The following TAFA5 variants were observed in gnomAD, a reference collection of about 807,000 sequenced individuals.
TAFA5 encodes the protein TAFA chemokine like family member 5.
TAFA5 carries 6 observed loss-of-function variants against 15.3 expected under a neutral mutation model. The observed-to-expected ratio is 0.39, with a 90% CI of 0.21 to 0.77. The LOEUF is 0.77. Among genes scored for constraint, TAFA5 ranks in the 30% least tolerant of loss-of-function variants. The probability of loss-of-function intolerance (pLI) is 0.41; values close to 1 mark genes in which losing one functional copy is unlikely to be tolerated. For missense variants in TAFA5, 161 were observed against 193.1 expected (o/e 0.83, Z 0.98); for synonymous variants, 103 against 80.7 (o/e 1.28, Z -1.48).
chr22:48,562,349 A>G lies in TAFA5; in HGVS notation c.112+72645A>G, dbSNP rs954070338. On this transcript the variant is annotated intron_variant, in intron 1 of 3. Transcript: ENST00000402357. ...GAGACGGGGTTTCACCGCATTAGCC[A>G]GGATGGTCTCGATCTCCTGACCTCG... is the stretch of plus-strand genomic sequence containing the variant. Among the ~76,000 whole-genome samples, 6 of 152,300 alleles carry G rather than the reference A, an allele frequency of 3.9e-5. No homozygotes were observed. In the East Asian group the frequency reaches 1.2e-3, roughly 30 times the overall value.
chr22:48,640,499 G>T (rs1204219616), intron 1 of TAFA5, among the ~76,000 whole-genome samples: 1 of 152,144 alleles, frequency 6.6e-6, no homozygotes, highest in African/African-American at 2.4e-5. Context: ...GCTTCCCCTG[G>T]GACGTGGTCT....
intron 1 of TAFA5, among the ~76,000 whole-genome samples, chr22:48,512,782 G>A (rs965903178): frequency 1.3e-5 from 2 of 151,966 alleles, no homozygotes; most frequent in Non-Finnish European, 2.9e-5. Context: ...AATTACCCGG[G>A]GGTGGTGGCG....
At chr22:48,533,295 C>CA (rs2033291251) in intron 1 of TAFA5, among the ~76,000 whole-genome samples, 1 of 152,174 alleles carries the variant, frequency 6.6e-6, no homozygotes, top group Non-Finnish European at 1.5e-5. Flanking sequence ...GTGCAGCCGT[C>CA]AAACCTTTGG....
intron 2 of TAFA5, among the ~76,000 whole-genome samples, chr22:48,662,487 G>GTGATTC (rs1569069292): frequency 2.6e-5 from 4 of 151,622 alleles, no homozygotes; most frequent in Non-Finnish European, 4.4e-5. Context: ...GTGTGATGGG[G>GTGATTC]GTGATTCAAG....
At chr22:48,657,900 T>C (rs1927303458) in intron 2 of TAFA5, among the ~76,000 whole-genome samples, 1 of 151,832 alleles carries the variant, frequency 6.6e-6, no homozygotes, top group South Asian at 2.1e-4. Flanking sequence ...ACCTGAGTGA[T>C]GCCTTCCAGG....
chr22:48,608,043 T>C (rs1022994159), intron 1 of TAFA5, among the ~76,000 whole-genome samples: 1 of 117,824 alleles, frequency 8.5e-6, no homozygotes, highest in Non-Finnish European at 1.9e-5. Context: ...AGCTCAGGGC[T>C]TGGGGCTGGA....
At chr22:48,582,418 T>C (rs1924088567) in intron 1 of TAFA5, among the ~76,000 whole-genome samples, 1 of 129,524 alleles carries the variant, frequency 7.7e-6, no homozygotes, top group Non-Finnish European at 1.6e-5. Flanking sequence ...ACACACAAAA[T>C]ACACCACATA....
chr22:48,748,269 G>A (rs1378848977), intron 3 of TAFA5, among the ~76,000 whole-genome samples: 1 of 152,240 alleles, frequency 6.6e-6, no homozygotes, highest in East Asian at 1.9e-4. Flanking sequence ...GCCCTCTGGG[G>A]ACTGGGTTCT....
intron 1 of TAFA5, among the ~76,000 whole-genome samples, chr22:48,581,786 T>C (rs73890913): frequency 0.011 from 1,690 of 152,306 alleles, 44 homozygotes; most frequent in African/African-American, 0.039. Context: ...TACAGGATCA[T>C]GCATTATAAA....
intron 1 of TAFA5, among the ~76,000 whole-genome samples, chr22:48,553,685 T>C (rs892492505): frequency 6.6e-6 from 1 of 152,192 alleles, no homozygotes; most frequent in African/African-American, 2.4e-5. Context: ...ATGCCTGCCG[T>C]GGTGCAGGCC....
chr22:48,634,943 A>C (rs1926392683), intron 1 of TAFA5, among the ~76,000 whole-genome samples: 1 of 152,132 alleles, frequency 6.6e-6, no homozygotes, highest in Non-Finnish European at 1.5e-5. Flanking sequence ...TTGTGTCCAC[A>C]CCAAAGAGGA....
intron 1 of TAFA5, among the ~76,000 whole-genome samples, chr22:48,542,357 A>G (rs1476661647): frequency 3.2e-4 from 17 of 52,666 alleles, no homozygotes; most frequent in Admixed American, 7.6e-4. Flanking sequence ...GTGTGTGCAT[A>G]TGTGTGTGTG....
chr22:48,637,767 A>G (rs1255887703), intron 1 of TAFA5, among the ~76,000 whole-genome samples: 1 of 152,050 alleles, frequency 6.6e-6, no homozygotes, highest in Non-Finnish European at 1.5e-5. Context: ...AGCCCAAACC[A>G]TCGACGTCCC....
At chr22:48,704,340 G>A (rs1929012309) in intron 2 of TAFA5, among the ~76,000 whole-genome samples, 1 of 152,072 alleles carries the variant, frequency 6.6e-6, no homozygotes, top group African/African-American at 2.4e-5. Context: ...CGTGTTTGTG[G>A]GTGTCTGAGA....
intron 1 of TAFA5, among the ~76,000 whole-genome samples, chr22:48,599,843 C>G (rs1924898889): frequency 1.3e-5 from 2 of 152,214 alleles, no homozygotes; most frequent in Admixed American, 6.5e-5. Flanking sequence ...GGGCCTCTAC[C>G]TCCAGTTGAG....
chr22:48,501,422 C>T (rs923537765), intron 1 of TAFA5, among the ~76,000 whole-genome samples: 1 of 152,242 alleles, frequency 6.6e-6, no homozygotes, highest in Admixed American at 6.5e-5. Flanking sequence ...AGCACCCGGG[C>T]GGTGTGCTGC....
chr22:48,607,320 C>T (rs1925229468), intron 1 of TAFA5, among the ~76,000 whole-genome samples: 3 of 137,538 alleles, frequency 2.2e-5, no homozygotes, highest in Non-Finnish European at 4.7e-5. Context: ...GGCTGGCCCA[C>T]CCATCCCAGG....
intron 1 of TAFA5, among the ~76,000 whole-genome samples, chr22:48,585,347 C>G (rs1016956547): frequency 3.3e-5 from 5 of 149,798 alleles, no homozygotes; most frequent in Non-Finnish European, 3.0e-5. Context: ...ACATAAAATA[C>G]ACCACATACA....
chr22:48,533,244 T>A (rs1316356983), intron 1 of TAFA5, among the ~76,000 whole-genome samples: 1 of 152,122 alleles, frequency 6.6e-6, no homozygotes, highest in Non-Finnish European at 1.5e-5. Flanking sequence ...AATAGAAGTC[T>A]CATCGATGCC....
Sources: allele counts gnomAD v4.1 joint callset (sites outside exome capture counted in the v4.1 genomes callset), GRCh38; gene constraint gnomAD v4.1.1; transcripts MANE v1.5; gene names NCBI Gene and HGNC (gene_info 2026-07-23, HGNC 2026-07-21).